BCR: variants seen among roughly 807,000 people sequenced by gnomAD.
The protein encoded by BCR is breakpoint cluster region protein.
BCR carries 58 observed loss-of-function variants against 138.6 expected under a neutral mutation model. The ratio of observed to expected loss-of-function variants is 0.42; its 90% CI spans 0.34 to 0.52. The LOEUF (loss-of-function observed/expected upper bound fraction) is 0.52, where lower values mean the gene tolerates loss of function less well. Among genes scored for constraint, BCR ranks in the 20% least tolerant of loss-of-function variants. The pLI is 0.06. For synonymous variants in BCR, 786 were observed against 730.1 expected (o/e 1.08, Z -1.23); for missense variants, 1,599 against 1,727.2 (o/e 0.93, Z 1.32).
At chr22:23,314,744 A>G in intron 22 of BCR, 30 bp downstream of exon 22, 1 of 1,611,144 alleles carries the variant, frequency 6.2e-7, no homozygotes, top group Non-Finnish European at 8.5e-7. Context: ...AGCCCATGCA[A>G]CCCTGACCTG....
intron 1 of BCR, among the ~76,000 whole-genome samples, chr22:23,204,690 G>A (rs1390602960): frequency 3.3e-5 from 5 of 152,344 alleles, no homozygotes; most frequent in Middle Eastern, 3.4e-3. Context: ...CCACTGGCCA[G>A]TCTACAGGTC....
At chr22:23,244,243 A>G (rs2073129931) in intron 1 of BCR, among the ~76,000 whole-genome samples, 1 of 152,236 alleles carries the variant, frequency 6.6e-6, no homozygotes, top group African/African-American at 2.4e-5. Flanking sequence ...ATAGAAACAC[A>G]TCATAGTAGT....
chr22:23,309,050 C>A (rs1470772867), intron 16 of BCR, among the ~76,000 whole-genome samples: 5 of 152,156 alleles, frequency 3.3e-5, no homozygotes, highest in Non-Finnish European at 7.3e-5. Flanking sequence ...GATGCCAGGC[C>A]CCCAGGAGTT....
intron 1 of BCR, among the ~76,000 whole-genome samples, chr22:23,209,888 CT>C (rs1196746524): frequency 1.3e-5 from 2 of 152,176 alleles, no homozygotes; most frequent in Admixed American, 6.5e-5. Flanking sequence ...CCTTAGCCCC[CT>C]GAGTAACTGT....
chr22:23,185,515 A>C (rs1278756443), intron 1 of BCR, among the ~76,000 whole-genome samples: 2 of 151,718 alleles, frequency 1.3e-5, no homozygotes, highest in Non-Finnish European at 2.9e-5. Flanking sequence ...AATACAAAAA[A>C]TTAGCCGGGT....
intron 2 of BCR, chr22:23,254,409 C>T (rs1197938160): frequency 6.0e-6 from 3 of 497,534 alleles, no homozygotes; most frequent in Admixed American, 2.0e-5. Flanking sequence ...TGTGAATTTT[C>T]ACTTGACCCT....
chr22:23,292,514 C>A (rs1242156959), intron 14 of BCR, 27 bp from the exon 15 acceptor site: 1 of 1,560,402 alleles, frequency 6.4e-7, no homozygotes, highest in South Asian at 1.1e-5. Flanking sequence ...GACCTGTGAC[C>A]TTCTCCATGT....
At chr22:23,217,388 AC>A (rs911376462) in intron 1 of BCR, among the ~76,000 whole-genome samples, 28 of 152,346 alleles carry the variant, frequency 1.8e-4, no homozygotes, top group African/African-American at 6.0e-4. Context: ...GATAGTGACC[AC>A]ACCATGGGGT....
chr22:23,303,967 C>T (rs891842547), intron 16 of BCR, among the ~76,000 whole-genome samples: 20 of 127,888 alleles, frequency 1.6e-4, no homozygotes, highest in Non-Finnish European at 3.0e-4. Context: ...CAGGGTCTTG[C>T]TCTGTTGCCC....
intron 1 of BCR, among the ~76,000 whole-genome samples, chr22:23,215,121 T>G (rs1045105425): frequency 6.6e-6 from 1 of 152,252 alleles, no homozygotes; most frequent in African/African-American, 2.4e-5. Flanking sequence ...TCACTTAACA[T>G]AATGTCCTCA....
intron 12 of BCR, 31 bp downstream of exon 12, chr22:23,288,203 G>A: frequency 6.2e-7 from 1 of 1,601,270 alleles, no homozygotes; most frequent in Non-Finnish European, 8.6e-7. Context: ...GAGGGGCTGG[G>A]CTTCAAACCA....
chr22:23,304,099 ATTTTTTTTTTTT>A (rs56805241), intron 16 of BCR, among the ~76,000 whole-genome samples: 1 of 102,210 alleles, frequency 9.8e-6, no homozygotes, highest in Non-Finnish European at 1.9e-5. Flanking sequence ...ATGCCAGGCT[ATTTTTTTTTTTT>A]TTTTTTTTTT....
intron 1 of BCR, among the ~76,000 whole-genome samples, chr22:23,218,486 C>T (rs1435439404): frequency 6.6e-6 from 1 of 152,208 alleles, no homozygotes; most frequent in African/African-American, 2.4e-5. Flanking sequence ...GGCACGGGGC[C>T]ACTGTGGGAC....
At chr22:23,202,716 ATTGT>A (rs2072567475) in intron 1 of BCR, among the ~76,000 whole-genome samples, 1 of 104,714 alleles carries the variant, frequency 9.5e-6, no homozygotes, top group Non-Finnish European at 1.8e-5. Flanking sequence ...TAATAATTCA[ATTGT>A]TTGTGTGTGT....
chr22:23,285,346 G>C, intron 10 of BCR, 145 bp downstream of exon 10: 1 of 892,820 alleles, frequency 1.1e-6, no homozygotes, highest in South Asian at 1.9e-5. Context: ...GCTCTTGGAG[G>C]GCTGGGCATC....
chr22:23,257,420 ACTGGGTGGGGCTGTCATGGGCCCTG>A (rs1357887151), intron 2 of BCR, among the ~76,000 whole-genome samples: 19 of 152,284 alleles, frequency 1.2e-4, no homozygotes, highest in African/African-American at 4.6e-4. Context: ...AGCATCTCAC[ACTGGGTGGGGCTGTCATGGGCCCTG>A]CTGCCCTAGC....
Position 23,202,480 on chromosome 22 carries a change from A to G in BCR, c.1279+20241A>G, listed in dbSNP as rs1278960939. Among the ~76,000 whole-genome samples, 3 of 152,278 alleles carry G rather than the reference A, an allele frequency of 2.0e-5. No individual in the cohort carries two copies. In the East Asian group the frequency reaches 5.8e-4, roughly 29 times the overall value. ...GAACTCTTTCCACCTTGCAAAACTG[A>G]AAATCTGTACTCATTTCCACCCATT... is the stretch of plus-strand genomic sequence containing the variant. On this transcript the variant is annotated intron_variant, in intron 1 of 22. Coordinates refer to ENST00000305877, the MANE Select transcript of BCR (RefSeq NM_004327.4).
intron 1 of BCR, among the ~76,000 whole-genome samples, chr22:23,241,026 C>T (rs2073084478): frequency 6.6e-6 from 1 of 152,206 alleles, no homozygotes; most frequent in Admixed American, 6.5e-5. Flanking sequence ...CTTTTTGAGG[C>T]TGAATAATAC....
chr22:23,308,383 G>A (rs1247611240), intron 16 of BCR, among the ~76,000 whole-genome samples: 1 of 152,100 alleles, frequency 6.6e-6, no homozygotes, highest in Non-Finnish European at 1.5e-5. Context: ...TTGGCTCACT[G>A]CAACCTCCAC....
Sources: allele counts gnomAD v4.1 joint callset (sites outside exome capture counted in the v4.1 genomes callset), GRCh38; gene constraint gnomAD v4.1.1; transcripts MANE v1.5; gene names NCBI Gene and HGNC (gene_info 2026-07-23, HGNC 2026-07-21).